GALNT12: variants seen among roughly 807,000 people sequenced by gnomAD.
The protein encoded by GALNT12 is UDP-GalNAc:polypeptide N-acetylgalactosaminyltransferase 12.
A neutral mutation model predicts 55.5 loss-of-function variants in GALNT12; 45 were observed. The ratio of observed to expected loss-of-function variants is 0.81; its 90% CI spans 0.64 to 1.04. The LOEUF is 1.04. Among genes scored for constraint, GALNT12 ranks in the 50% least tolerant of loss-of-function variants. The pLI is 0.00. For missense variants in GALNT12, 709 were observed against 754.8 expected (o/e 0.94, Z 0.71); for synonymous variants, 304 against 312.2 (o/e 0.97, Z 0.28).
At chr9:98,842,121 G>T (rs915347953) in intron 7 of GALNT12, among the ~76,000 whole-genome samples, 1 of 147,668 alleles carries the variant, frequency 6.8e-6, no homozygotes, top group Non-Finnish European at 1.5e-5. Context: ...TTCTCTTCTT[G>T]AGTGTCATTG....
rs761063632 is a variant in GALNT12, at chr9:98,831,752, G to A, written c.732-20G>A. The A allele has an allele frequency of 7.4e-6, 12 of 1,614,142 alleles. No homozygotes were observed. The highest frequency in any genetic ancestry group is 3.3e-5 in the Admixed American group (2 of 60,022). Reference sequence around the variant, plus strand: ...CCCGTCTGCATAGGAGAGACGGATGGATGTCTTGGGTGCTTTCAGGATCCA... The same window carrying A: ...CCCGTCTGCATAGGAGAGACGGATGAATGTCTTGGGTGCTTTCAGGATCCA... On this transcript the variant is annotated intron_variant, in intron 3 of 9. Transcript: ENST00000375011.
intron 4 of GALNT12, among the ~76,000 whole-genome samples, chr9:98,832,457 T>A (rs1836023946): frequency 6.6e-6 from 1 of 152,184 alleles, no homozygotes. Context: ...AGTTCAAGGC[T>A]TTAGTGAGCT....
chr9:98,849,714 A>G lies in GALNT12; in HGVS notation c.*622A>G. The G allele has an allele frequency of 2.5e-6, 1 of 399,992 alleles. No homozygotes were observed. Among genetic ancestry groups the G allele is most frequent in the East Asian group, 3.6e-5 (1 of 28,056 alleles). 24.8% of individuals were successfully genotyped at this position (399,992 alleles called of 1,614,324 possible). A position where few individuals can be genotyped will look rare whatever the true frequency, so the allele number is the denominator to read the frequency against. On this transcript the variant is annotated 3_prime_UTR_variant, in exon 10 of 10. Transcript: ENST00000375011. ...TCATGTCAGCCAAAGAGGACTAACC[A>G]AAGCTGAAATCTCAGAGAACAATTT...
At chr9:98,839,365 A>G (rs916048035) in intron 6 of GALNT12, among the ~76,000 whole-genome samples, 1 of 152,244 alleles carries the variant, frequency 6.6e-6, no homozygotes, top group African/African-American at 2.4e-5. Flanking sequence ...AGGTACGGTA[A>G]TATTTCTGCA....
chr9:98,831,200 G>C (rs1835984777), intron 3 of GALNT12, among the ~76,000 whole-genome samples: 1 of 152,170 alleles, frequency 6.6e-6, no homozygotes, highest in African/African-American at 2.4e-5. Context: ...AATAGCAATA[G>C]TTTCAGGTTC....
At chr9:98,846,814 G>GCC (rs1836429707) in intron 9 of GALNT12, among the ~76,000 whole-genome samples, 1 of 136,266 alleles carries the variant, frequency 7.3e-6, no homozygotes, top group South Asian at 2.3e-4. Context: ...CCGAAATCAT[G>GCC]CCACTGCACT....
chr9:98,828,348 C>G (rs796121506), intron 3 of GALNT12, among the ~76,000 whole-genome samples: 3 of 152,152 alleles, frequency 2.0e-5, no homozygotes, highest in Non-Finnish European at 4.4e-5. Flanking sequence ...GCAGCAGATT[C>G]GAGGCTCCTC....
intron 1 of GALNT12, among the ~76,000 whole-genome samples, chr9:98,809,577 A>G (rs1017948079): frequency 6.6e-6 from 1 of 152,226 alleles, no homozygotes; most frequent in East Asian, 1.9e-4. Flanking sequence ...GGAAACTCAT[A>G]AAAGTGAGTC....
intron 7 of GALNT12, 123 bp downstream of exon 7, chr9:98,840,256 C>T (rs1836255733): frequency 8.7e-7 from 1 of 1,143,370 alleles, no homozygotes; most frequent in Non-Finnish European, 1.3e-6. Context: ...TCCCACCCGC[C>T]TGCCCACCCC....
At chr9:98,823,476 C>T in intron 2 of GALNT12, 51 bp downstream of exon 2, 1 of 1,551,990 alleles carries the variant, frequency 6.4e-7, no homozygotes, top group South Asian at 1.1e-5. Context: ...GTAGCAGTGT[C>T]TGGGAGGTGA....
At chr9:98,809,741 C>T (rs1407323700) in intron 1 of GALNT12, among the ~76,000 whole-genome samples, 1 of 152,206 alleles carries the variant, frequency 6.6e-6, no homozygotes, top group Admixed American at 6.5e-5. Context: ...TGAGAGTCAT[C>T]CAGGGATTGG....
intron 3 of GALNT12, among the ~76,000 whole-genome samples, chr9:98,828,060 G>T (rs977250323): frequency 6.6e-6 from 1 of 152,198 alleles, no homozygotes; most frequent in African/African-American, 2.4e-5. Flanking sequence ...AGCTCCCCAG[G>T]TGGGAGAGGA....
At chr9:98,838,869 G>A (rs923856880) in intron 6 of GALNT12, among the ~76,000 whole-genome samples, 2 of 152,190 alleles carry the variant, frequency 1.3e-5, no homozygotes, top group Non-Finnish European at 2.9e-5. Context: ...TCAGAGAGAC[G>A]CTGTTGGAAG....
chr9:98,844,165 C>T lies in GALNT12; in HGVS notation c.1414C>T (p.His472Tyr), dbSNP rs1836360197. The T allele has an allele frequency of 6.2e-7, 1 of 1,613,908 alleles. No homozygotes were observed. Among genetic ancestry groups the T allele is most frequent in the African/African-American group, 1.3e-5 (1 of 75,024 alleles). Residue 472 changes from histidine (H) to tyrosine (Y), a missense_variant, in exon 8 of 10, where the codon CAC becomes TAC. By Grantham distance (83) the His-to-Tyr change is moderately conservative (BLOSUM62 2). Coordinates refer to ENST00000375011, the MANE Select transcript of GALNT12 (RefSeq NM_024642.5). The part of the protein sequence containing the change: ...NPPDENQIVG[H>Y]QVILYLCHGM... The stretch of plus-strand genomic sequence containing the variant: ...TCCCGATGAAAACCAGATTGTGGGA[C>T]ACCAGGTCATTCTGTACCTCTGTCA...
intron 3 of GALNT12, among the ~76,000 whole-genome samples, chr9:98,830,177 C>T (rs184214520): frequency 4.3e-4 from 66 of 152,262 alleles, no homozygotes; most frequent in Non-Finnish European, 1.9e-4. Context: ...GCTGGGGCCT[C>T]GGCTTCTGCA....
At chr9:98,848,487 G>T (rs1419673963) in intron 9 of GALNT12, among the ~76,000 whole-genome samples, 2 of 152,190 alleles carry the variant, frequency 1.3e-5, no homozygotes, top group Non-Finnish European at 2.9e-5. Flanking sequence ...TGTGTGACAG[G>T]TGAGTAGCTC....
At position 98,849,298 on chromosome 9, in the gene GALNT12, G is replaced by C. The variant is rs1836495844; in HGVS notation, c.*206G>C. 1 of 612,372 alleles carries C rather than the reference G, an allele frequency of 1.6e-6. No homozygotes were observed. Among genetic ancestry groups the C allele is most frequent in the Non-Finnish European group, 2.9e-6 (1 of 346,092 alleles). The allele number at this position is 612,372 out of a possible 1,614,324, so 37.9% of individuals were successfully genotyped here. On this transcript the variant is annotated 3_prime_UTR_variant, in exon 10 of 10. Coordinates refer to ENST00000375011, the MANE Select transcript of GALNT12 (RefSeq NM_024642.5). ...TACTTATTTTGAGAACTTTTTAAAT[G>C]TTCCAAAATACCCTATTTTCAAAGG... is the stretch of plus-strand genomic sequence containing the variant.
Position 98,808,054 on chromosome 9 carries a change from A to G in GALNT12, c.356A>G (p.Glu119Gly), listed in dbSNP as rs1137654. 3.2e-6 allele frequency: 5 copies of G among 1,580,348 alleles called. No individual in the cohort carries two copies. In the South Asian group the frequency reaches 5.8e-5, roughly 18 times the overall value. ...ATCTCACTGCACCGCCGCCTGCCCGAGCGCTGGAACCCGCTGTGAGTGCAC... is the reference window on the plus strand; with the variant it reads ...ATCTCACTGCACCGCCGCCTGCCCGGGCGCTGGAACCCGCTGTGAGTGCAC... ...DRISLHRRLP[E>G]RWNPLCKEKK... is the part of the protein sequence containing the mutation. The change falls in exon 1 of 10, where the codon GAG (glutamate) becomes GGG (glycine). Residue 119 changes from glutamate (E) to glycine (G), a missense_variant. By Grantham distance (98) the Glu-to-Gly change is moderately conservative. Transcript: ENST00000375011.
intron 4 of GALNT12, 134 bp downstream of exon 4, chr9:98,832,091 C>T: frequency 5.3e-6 from 4 of 758,452 alleles, no homozygotes; most frequent in Non-Finnish European, 9.3e-6. Flanking sequence ...CTTTTTTGCC[C>T]AGAGTATTTG....
Sources: gnomAD v4.1 joint callset for allele counts (sites outside exome capture counted in the v4.1 genomes callset) on GRCh38, gnomAD v4.1.1 for gene constraint, MANE v1.5 for transcripts, NCBI Gene and HGNC (gene_info 2026-07-23, HGNC 2026-07-21) for gene names.